Variants in NXPE2 observed in about 807,000 individuals in gnomAD.
NXPE2 encodes neurexophilin and PC-esterase domain family member 2.
In NXPE2, 34 loss-of-function variants were observed where a neutral mutation model predicts 34.4. That is an observed-to-expected ratio of 0.99 (90% CI 0.75 to 1.31). The LOEUF is 1.31. NXPE2 is among the 40% of genes most tolerant of loss of function. NXPE2 has a pLI of 0.00. For missense variants in NXPE2, 649 were observed against 672.5 expected, an observed-to-expected ratio of 0.97 and a Z score of 0.39; for synonymous variants, 235 against 231.3, an observed-to-expected ratio of 1.02 and a Z score of -0.15.
chr11:114,632,126 TAAAA>T, the NXPE2 span, among the ~76,000 whole-genome samples: 1 of 144,114 alleles, frequency 6.9e-6, no homozygotes. Flanking sequence ...TATATTATAA[TAAAA>T]TATATTATAA....
At chr11:114,612,105 C>A in the NXPE2 span, among the ~76,000 whole-genome samples, 1 of 151,856 alleles carries the variant, frequency 6.6e-6, no homozygotes, top group Non-Finnish European at 1.5e-5. Flanking sequence ...TCACGGGTAA[C>A]CACTGTTACC....
chr11:114,665,811 A>G, the NXPE2 span, among the ~76,000 whole-genome samples: 1 of 152,168 alleles, frequency 6.6e-6, no homozygotes, highest in South Asian at 2.1e-4. Context: ...TTCCCTTCCT[A>G]TCACATTACT....
chr11:114,647,719 T>TTTA, the NXPE2 span, among the ~76,000 whole-genome samples: 1 of 151,598 alleles, frequency 6.6e-6, no homozygotes, highest in Admixed American at 6.6e-5. Context: ...TTTTTTTTTT[T>TTTA]GAGACAGAAT....
At chr11:114,634,449 C>A in the NXPE2 span, among the ~76,000 whole-genome samples, 1 of 152,058 alleles carries the variant, frequency 6.6e-6, no homozygotes, top group Admixed American at 6.6e-5. Context: ...TTTTGCTGTG[C>A]AGCAGCTCTT....
At chr11:114,529,992 C>T in the NXPE2 span, 2 of 590,090 alleles carry the variant, frequency 3.4e-6, no homozygotes, top group Non-Finnish European at 5.9e-6. Flanking sequence ...CTGAATGGGA[C>T]AATATAGTGA....
chr11:114,534,605 T>C, the NXPE2 span, among the ~76,000 whole-genome samples: 2 of 152,134 alleles, frequency 1.3e-5, no homozygotes, highest in East Asian at 1.9e-4. Flanking sequence ...CTGATGGAGC[T>C]GAAAACCACA....
chr11:114,743,510 A>G, the NXPE2 span, among the ~76,000 whole-genome samples: 1 of 150,570 alleles, frequency 6.6e-6, no homozygotes, highest in East Asian at 1.9e-4. Context: ...TTACTTGAGG[A>G]AAATGCTTAA....
At chr11:114,525,911 T>C in the NXPE2 span, among the ~76,000 whole-genome samples, 2 of 152,222 alleles carry the variant, frequency 1.3e-5, no homozygotes, top group Non-Finnish European at 2.9e-5. Context: ...ATTCCATCCA[T>C]TGGTCTCTCC....
the NXPE2 span, among the ~76,000 whole-genome samples, chr11:114,668,063 A>G: frequency 5.3e-5 from 8 of 151,696 alleles, no homozygotes; most frequent in Non-Finnish European, 1.0e-4. Flanking sequence ...TTTCTTAGGG[A>G]GAAGGATGTT....
the NXPE2 span, among the ~76,000 whole-genome samples, chr11:114,610,750 T>TAA: frequency 6.6e-6 from 1 of 151,960 alleles, no homozygotes; most frequent in East Asian, 1.9e-4. Context: ...CTTTGGATAA[T>TAA]AAGTGTTGCC....
the NXPE2 span, among the ~76,000 whole-genome samples, chr11:114,536,430 A>G: frequency 6.6e-6 from 1 of 152,224 alleles, no homozygotes; most frequent in African/African-American, 2.4e-5. Flanking sequence ...AATAACTAAG[A>G]TCAGAGCAGG....
the NXPE2 span, among the ~76,000 whole-genome samples, chr11:114,758,528 C>A: frequency 1.3e-5 from 2 of 152,050 alleles, no homozygotes. Flanking sequence ...GGATATATGG[C>A]GATTTTTCAC....
At chr11:114,696,298 A>T (rs1236124422) in intron 2 of NXPE2, among the ~76,000 whole-genome samples, 1 of 149,270 alleles carries the variant, frequency 6.7e-6, no homozygotes, top group Non-Finnish European at 1.5e-5. Context: ...TGCCACTGCA[A>T]TCCAGCCTAG....
At chr11:114,536,658 A>G in the NXPE2 span, among the ~76,000 whole-genome samples, 3 of 152,234 alleles carry the variant, frequency 2.0e-5, no homozygotes, top group South Asian at 2.1e-4. Context: ...AAGCACCTCT[A>G]TGCAAATAAA....
At chr11:114,609,778 G>A in the NXPE2 span, among the ~76,000 whole-genome samples, 1 of 151,672 alleles carries the variant, frequency 6.6e-6, no homozygotes, top group Non-Finnish European at 1.5e-5. Context: ...TGCCTCGCGG[G>A]TAACCACAGT....
the NXPE2 span, among the ~76,000 whole-genome samples, chr11:114,783,169 T>C: frequency 6.6e-6 from 1 of 152,226 alleles, no homozygotes; most frequent in African/African-American, 2.4e-5. Flanking sequence ...TAAAATGCTT[T>C]AGGACACGTG....
the NXPE2 span, among the ~76,000 whole-genome samples, chr11:114,574,931 C>T: frequency 2.5e-4 from 38 of 152,130 alleles, no homozygotes; most frequent in Admixed American, 5.9e-4. Context: ...AACATAGATG[C>T]TAAAATCCTC....
the NXPE2 span, among the ~76,000 whole-genome samples, chr11:114,798,303 G>A: frequency 6.6e-6 from 1 of 152,100 alleles, no homozygotes; most frequent in Non-Finnish European, 1.5e-5. Context: ...CAGGAAAATT[G>A]GACAAACTTT....
the NXPE2 span, chr11:114,551,354 C>T: frequency 7.1e-7 from 1 of 1,416,552 alleles, no homozygotes; most frequent in Non-Finnish European, 9.2e-7. Flanking sequence ...TGCTAACTAA[C>T]AACTCATACC....
Sources: allele counts gnomAD v4.1 joint callset (sites outside exome capture counted in the v4.1 genomes callset), GRCh38; gene constraint gnomAD v4.1.1; transcripts MANE v1.5; gene names NCBI Gene and HGNC (gene_info 2026-07-23, HGNC 2026-07-21).